The following ZNF141 variants were observed in gnomAD, a reference collection of about 807,000 sequenced individuals.
ZNF141 encodes zinc finger protein 141 (clone pHZ-44).
In ZNF141, 7 loss-of-function variants were observed where a neutral mutation model predicts 11.3. The ratio of observed to expected loss-of-function variants is 0.62; its 90% confidence interval spans 0.35 to 1.16. The LOEUF is 1.16. Among genes scored for constraint, ZNF141 ranks in the 50% most tolerant of loss-of-function variants. The pLI, the probability that ZNF141 is intolerant of heterozygous loss-of-function variation, is 0.02. For missense variants in ZNF141, 535 were observed against 554.0 expected (o/e 0.97, Z 0.34); for synonymous variants, 183 against 190.7 (o/e 0.96, Z 0.33).
intron 3 of ZNF141, among the ~76,000 whole-genome samples, chr4:367,129 T>C (rs1411332589): frequency 6.6e-6 from 1 of 152,156 alleles, no homozygotes; most frequent in Non-Finnish European, 1.5e-5. Flanking sequence ...GCAGAAATCT[T>C]CTTTTTTTGA....
intron 1 of ZNF141, chr4:338,352 G>C (rs1233210417): frequency 4.0e-6 from 1 of 249,254 alleles, no homozygotes; most frequent in African/African-American, 2.3e-5. Context: ...ATGAGATCGA[G>C]GCCCCATCAA....
chr4:377,358 G>A lies in ZNF141; in HGVS notation c.*3496G>A, dbSNP rs782460801. ...TAAGAGATTGAAAATAATCTGTGGC[G>A]AACAAATGGCATTAATTGTGCATGT... On this transcript the variant is annotated 3_prime_UTR_variant, in exon 4 of 4. Coordinates refer to ENST00000240499, the MANE Select transcript of ZNF141 (RefSeq NM_003441.4). Among the ~76,000 whole-genome samples, 17 of 152,144 alleles carry A rather than the reference G, an allele frequency of 1.1e-4. No homozygotes were observed. Among genetic ancestry groups the A allele is most frequent in the Admixed American group, 7.9e-4 (12 of 15,272 alleles).
intron 1 of ZNF141, chr4:342,788 G>C (rs1553848718): frequency 1.9e-6 from 3 of 1,565,652 alleles, no homozygotes; most frequent in Non-Finnish European, 2.6e-6. Flanking sequence ...CAGATTTATT[G>C]AAAATAATAC....
chr4:376,657 G>A lies in ZNF141; in HGVS notation c.*2795G>A, dbSNP rs1264106058. On this transcript the variant is annotated 3_prime_UTR_variant, in exon 4 of 4. Transcript: ENST00000240499. ...TACATGAAGTTAAGTATGTAAATGT[G>A]TTGCTGTAAAGATAAACCTTAGGTG... 6.6e-6 allele frequency among the ~76,000 whole-genome samples: 1 copy of A among 152,032 alleles called. No homozygotes were observed. Among genetic ancestry groups the A allele is most frequent in the Non-Finnish European group, 1.5e-5 (1 of 67,926 alleles).
chr4:350,272 C>T (rs1553850239), intron 3 of ZNF141: 1 of 527,040 alleles, frequency 1.9e-6, no homozygotes, highest in South Asian at 1.4e-5. Context: ...CGATCTCTGG[C>T]TCCACTGAGG....
rs1378472315 is a variant in ZNF141 at position 382,917 on chromosome 4, A to G, written c.*9055A>G. On this transcript the variant is annotated 3_prime_UTR_variant, in exon 4 of 4. Coordinates refer to ENST00000240499, the MANE Select transcript of ZNF141 (RefSeq NM_003441.4). The stretch of plus-strand genomic sequence containing the variant: ...GATAAAATTGATTGCAAAAACAGCA[A>G]TTTGAAAAATTTCTTATTGTATTCA... 8 of 484,646 alleles carry G rather than the reference A, an allele frequency of 1.7e-5. No individual in the cohort carries two copies. The highest frequency in any genetic ancestry group is 2.9e-5 in the Non-Finnish European group (8 of 275,312). The allele number at this position is 484,646 out of a possible 1,614,324, so 30.0% of individuals were successfully genotyped here.
chr4:369,758 A>ATTTTTTTTT (rs1560196787), intron 3 of ZNF141, among the ~76,000 whole-genome samples: 3 of 34,782 alleles, frequency 8.6e-5, no homozygotes, highest in African/African-American at 5.6e-4. Context: ...ATATATATAT[A>ATTTTTTTTT]TATATATTTT....
chr4:347,742 A>G (rs922734677), intron 3 of ZNF141, among the ~76,000 whole-genome samples: 10 of 48,000 alleles, frequency 2.1e-4, no homozygotes, highest in South Asian at 6.5e-4. Context: ...CTTCTTTGGG[A>G]AAAAAAAAAA....
Position 383,192 on chromosome 4 carries a change from C to A in ZNF141, c.*9330C>A, listed in dbSNP as rs544491775. 1 of 699,728 alleles carries A rather than the reference C, an allele frequency of 1.4e-6. No individual in the cohort carries two copies. The highest frequency in any genetic ancestry group is 2.6e-6 in the Non-Finnish European group (1 of 383,990). 43.3% of individuals were successfully genotyped at this position (699,728 alleles called of 1,614,324 possible). Reference sequence around the variant, plus strand: ...CCTCAGTTTACAGACAGCTCACTCACAGAAGCAGAGCCACCTAATTCACCA... The same window carrying A: ...CCTCAGTTTACAGACAGCTCACTCAAAGAAGCAGAGCCACCTAATTCACCA... On this transcript the variant is annotated 3_prime_UTR_variant, in exon 4 of 4. Transcript: ENST00000240499.
chr4:382,188 C>T lies in ZNF141; in HGVS notation c.*8326C>T, dbSNP rs534143672. Among the ~76,000 whole-genome samples the T allele has an allele frequency of 2.0e-5, 3 of 152,006 alleles. No homozygotes were observed. Among genetic ancestry groups the T allele is most frequent in the East Asian group, 1.9e-4 (1 of 5,136 alleles). ...GTCTTGATTTCCTGACCTCGTGATC[C>T]GCCTGCCTCAGCCTACCAAAGTGCT... On this transcript the variant is annotated 3_prime_UTR_variant, in exon 4 of 4. Coordinates refer to ENST00000240499, the MANE Select transcript of ZNF141 (RefSeq NM_003441.4).
At chr4:364,140 G>T (rs1380145919) in intron 3 of ZNF141, among the ~76,000 whole-genome samples, 1 of 152,134 alleles carries the variant, frequency 6.6e-6, no homozygotes, top group Non-Finnish European at 1.5e-5. Context: ...AGGGATATTG[G>T]TCTAAAATTC....
chr4:346,282 G>A (rs1721314554), intron 3 of ZNF141, among the ~76,000 whole-genome samples: 1 of 152,166 alleles, frequency 6.6e-6, no homozygotes, highest in African/African-American at 2.4e-5. Context: ...TGAACATTAA[G>A]TGAGGACTTA....
Position 373,261 on chromosome 4 carries a change from G to T in ZNF141, c.824G>T (p.Arg275Ile), listed in dbSNP as rs1320291479. ...TTCACAACCCTTACTAAACATAAGA[G>T]AATTCATGCTGGAGAGAAACCCATC... ...NRFTTLTKHK[R>I]IHAGEKPITC... Residue 275 changes from arginine to isoleucine, a missense_variant, in exon 4 of 4, where the codon AGA becomes ATA. Transcript: ENST00000240499. 2 of 1,611,878 alleles carry T rather than the reference G, an allele frequency of 1.2e-6. No individual in the cohort carries two copies. The highest frequency in any genetic ancestry group is 1.7e-6 in the Non-Finnish European group (2 of 1,179,414).
rs1476477625 is a variant in ZNF141, at chr4:374,189, T to C, written c.*327T>C. 1 of 347,278 alleles carries C rather than the reference T, an allele frequency of 2.9e-6. No individual in the cohort carries two copies. Among genetic ancestry groups the C allele is most frequent in the Admixed American group, 4.2e-5 (1 of 23,834 alleles). 21.5% of individuals were successfully genotyped at this position (347,278 alleles called of 1,614,324 possible). A position where few individuals can be genotyped will look rare whatever the true frequency, so the allele number is the denominator to read the frequency against. On this transcript the variant is annotated 3_prime_UTR_variant, in exon 4 of 4. Coordinates refer to ENST00000240499, the MANE Select transcript of ZNF141 (RefSeq NM_003441.4). Reference sequence around the variant, plus strand: ...CACCGGTGAATAAACATAAGAAAAATCATGCTGGAGGGAAGCCCTACACAT... The same window carrying C: ...CACCGGTGAATAAACATAAGAAAAACCATGCTGGAGGGAAGCCCTACACAT...
chr4:372,580 A>AT, intron 3 of ZNF141, 84 bp from the exon 4 acceptor site: 1 of 1,231,846 alleles, frequency 8.1e-7, no homozygotes, highest in African/African-American at 1.5e-5. Context: ...TTACTAATGT[A>AT]TTTTGAATAA....
At chr4:347,851 CTT>C (rs781796028) in intron 3 of ZNF141, among the ~76,000 whole-genome samples, 20 of 142,932 alleles carry the variant, frequency 1.4e-4, no homozygotes, top group Admixed American at 3.5e-4. Flanking sequence ...TGGATATTAA[CTT>C]TTTTTTTTTT....
Position 373,983 on chromosome 4 carries a change from T to G in ZNF141, c.*121T>G, listed in dbSNP as rs570383894. ...AAATGTGAAGAACGTGGCAAAGTTC[T>G]TTACCTCATTCTCAAACCTTGATAA... On this transcript the variant is annotated 3_prime_UTR_variant, in exon 4 of 4. Transcript: ENST00000240499. 1.5e-5 allele frequency: 13 copies of G among 865,518 alleles called. No individual in the cohort carries two copies. In the African/African-American group the frequency reaches 2.0e-4, roughly 13 times the overall value. 53.6% of individuals were successfully genotyped at this position (865,518 alleles called of 1,614,324 possible). A position where few individuals can be genotyped will look rare whatever the true frequency, so the allele number is the denominator to read the frequency against.
Position 373,356 on chromosome 4 carries a change from G to A in ZNF141, c.919G>A (p.Gly307Arg), listed in dbSNP as rs1712177826. Residue 307 changes from glycine to arginine, a missense_variant, in exon 4 of 4, where the codon GGA becomes AGA. Physicochemically the swap from Gly to Arg is moderately radical, Grantham distance 125. Transcript: ENST00000240499. ...TGCCAAACATAAGCGAATTCATACT[G>A]GAGAGAAACCCTACAAATGTGAAGA... ...NFAKHKRIHT[G>R]EKPYKCEECG... 6.2e-7 allele frequency: 1 copy of A among 1,613,904 alleles called. No homozygotes were observed. Among genetic ancestry groups the A allele is most frequent in the Non-Finnish European group, 8.5e-7 (1 of 1,179,912 alleles).
At chr4:366,163 G>T (rs1269221857) in intron 3 of ZNF141, among the ~76,000 whole-genome samples, 7 of 152,142 alleles carry the variant, frequency 4.6e-5, no homozygotes, top group Admixed American at 4.6e-4. Context: ...TTCCATTGCT[G>T]TGAAAAAAGT....
Sources: allele counts gnomAD v4.1 joint callset (sites outside exome capture counted in the v4.1 genomes callset), GRCh38; gene constraint gnomAD v4.1.1; transcripts MANE v1.5; gene names NCBI Gene and HGNC (gene_info 2026-07-23, HGNC 2026-07-21).